RARG: variants seen among roughly 807,000 people sequenced by gnomAD.
RARG encodes retinoic acid receptor gamma.
RARG carries 17 observed loss-of-function variants against 43.7 expected under a neutral mutation model. The ratio of observed to expected loss-of-function variants is 0.39; its 90% CI spans 0.27 to 0.58. The LOEUF (loss-of-function observed/expected upper bound fraction) is 0.58, where lower values mean the gene tolerates loss of function less well. Among genes scored for constraint, RARG ranks in the 20% least tolerant of loss-of-function variants. RARG has a pLI of 0.57. For synonymous variants in RARG, 238 were observed against 236.4 expected, an observed-to-expected ratio of 1.01 and a Z score of -0.06; for missense variants, 346 against 598.7, an observed-to-expected ratio of 0.58 and a Z score of 4.40.
chr12:53,214,580 T>C lies in RARG; in HGVS notation c.502A>G (p.Lys168Glu). The change falls in exon 6 of 10, where the codon AAG (lysine) becomes GAG (glutamate). Residue 168 changes from lysine (K) to glutamate (E), a missense_variant. Lys to Glu is a moderately conservative substitution (Grantham distance 56). Around this residue, in one of 8 missense-constraint regions of RARG, gnomAD observed 67 missense variants for 79.6 expected, o/e 0.84. Transcript: ENST00000425354. ...GACCCTTCTTCCTTCACCTCTTTCTTCTTCTTGTTCCGGTCATTTCGCACA... is the reference window on the plus strand; with the variant it reads ...GACCCTTCTTCCTTCACCTCTTTCTCCTTCTTGTTCCGGTCATTTCGCACA... ...EAVRNDRNKK[K>E]KEVKEEGSPD... is the part of the protein sequence containing the mutation. 6.2e-7 allele frequency: 1 copy of C among 1,608,006 alleles called. No homozygotes were observed. The highest frequency in any genetic ancestry group is 8.5e-7 in the Non-Finnish European group (1 of 1,174,818).
In RARG at chr12:53,211,143, T is replaced by A. The variant is rs1042017098; in HGVS notation, c.*533A>T. 1.3e-5 allele frequency: 2 copies of A among 152,978 alleles called. No homozygotes were observed. Among genetic ancestry groups the A allele is most frequent in the Admixed American group, 6.5e-5 (1 of 15,284 alleles). The allele number at this position is 152,978 out of a possible 1,614,324, so 9.5% of individuals were successfully genotyped here. ...TCACCCTCTGTTCCTGCCCCAGAAATGCAGGGCCCAGCCTGCCCCCACCTT... is the reference window on the plus strand; with the variant it reads ...TCACCCTCTGTTCCTGCCCCAGAAAAGCAGGGCCCAGCCTGCCCCCACCTT... On this transcript the variant is annotated 3_prime_UTR_variant, in exon 10 of 10. Coordinates refer to ENST00000425354, the MANE Select transcript of RARG (RefSeq NM_000966.6). This position sits in a 1 kb window ranked among gnomAD's most constrained non-coding sequence, Gnocchi z 4.6.
intron 3 of RARG, among the ~76,000 whole-genome samples, chr12:53,217,289 A>G (rs1942803371): frequency 6.6e-6 from 1 of 152,128 alleles, no homozygotes; most frequent in Non-Finnish European, 1.5e-5. Context: ...GCTGGTGCTG[A>G]GAGATGTGAG....
intron 9 of RARG, among the ~76,000 whole-genome samples, chr12:53,212,254 T>C (rs996998470): frequency 2.6e-5 from 4 of 152,238 alleles, no homozygotes; most frequent in Non-Finnish European, 5.9e-5. Context: ...AACACTATGT[T>C]CCAGACATCC....
At chr12:53,228,281 T>C (rs1026466848) in intron 2 of RARG, among the ~76,000 whole-genome samples, 5 of 152,232 alleles carry the variant, frequency 3.3e-5, no homozygotes, top group African/African-American at 1.2e-4. Flanking sequence ...ACTTCAGGCA[T>C]GTCACTTAAT....
At chr12:53,217,827 C>G (rs968023907) in intron 3 of RARG, among the ~76,000 whole-genome samples, 4 of 152,130 alleles carry the variant, frequency 2.6e-5, no homozygotes, top group African/African-American at 9.7e-5. Flanking sequence ...CCAGGCTGCG[C>G]GGAGCTTCAA....
chr12:53,227,752 A>G lies in RARG; in HGVS notation c.-142-65T>C, dbSNP rs1464487785. ...CCACTCTGAGGTTCCAAGCCCTGTG[A>G]CCCTCTCTCAGTTGCAGTCTTCTCC... On this transcript the variant is annotated intron_variant, in intron 2 of 9. Transcript: ENST00000425354. This position sits in a 1 kb window ranked among gnomAD's most constrained non-coding sequence, Gnocchi z 4.3. 16 of 1,132,730 alleles carry G rather than the reference A, an allele frequency of 1.4e-5. No homozygotes were observed. The highest frequency in any genetic ancestry group is 1.6e-5 in the African/African-American group (1 of 61,532). The allele number at this position is 1,132,730 out of a possible 1,614,324, so 70.2% of individuals were successfully genotyped here.
intron 3 of RARG, among the ~76,000 whole-genome samples, chr12:53,217,417 C>T (rs912334683): frequency 9.8e-5 from 15 of 152,354 alleles, no homozygotes; most frequent in African/African-American, 3.6e-4. Flanking sequence ...CTGGCACTGA[C>T]GCCCTCCCTG....
In RARG at chr12:53,213,879, A is replaced by G. The variant is rs1942680733; in HGVS notation, c.814-179T>C. 1 of 1,060,772 alleles carries G rather than the reference A, an allele frequency of 9.4e-7. No homozygotes were observed. Among genetic ancestry groups the G allele is most frequent in the Non-Finnish European group, 1.4e-6 (1 of 724,832 alleles). 65.7% of individuals were successfully genotyped at this position (1,060,772 alleles called of 1,614,324 possible). A position where few individuals can be genotyped will look rare whatever the true frequency, so the allele number is the denominator to read the frequency against. On this transcript the variant is annotated intron_variant, in intron 7 of 9. Transcript: ENST00000425354. The surrounding 1 kb of genome is among the most constrained non-coding windows in gnomAD (Gnocchi z 4.7). Reference sequence around the variant, plus strand: ...TAGTCCCGGGAAGTCAGGAGGAGACAGGGCATCCAAAAGTCTAGGATCAGG... The same window carrying G: ...TAGTCCCGGGAAGTCAGGAGGAGACGGGGCATCCAAAAGTCTAGGATCAGG...
At chr12:53,216,950 C>CA (rs1382032673) in intron 3 of RARG, among the ~76,000 whole-genome samples, 2 of 151,830 alleles carry the variant, frequency 1.3e-5, no homozygotes, top group African/African-American at 4.8e-5. Flanking sequence ...CAAGTTAATG[C>CA]AAAAAAATTC....
At position 53,213,342 on chromosome 12, in the gene RARG, A is replaced by ACAGGCTT; in HGVS notation, c.1019-100_1019-99insAAGCCTG. On this transcript the variant is annotated intron_variant, in intron 8 of 9. Coordinates refer to ENST00000425354, the MANE Select transcript of RARG (RefSeq NM_000966.6). This position sits in a 1 kb window ranked among gnomAD's most constrained non-coding sequence, Gnocchi z 4.7. ...CCAACCGGCGTTTTGGGAAGCCTGT[A>ACAGGCTT]CAGGGTTTCAGAACTCTCTGGATGG... The ACAGGCTT allele has an allele frequency of 6.7e-7, 1 of 1,487,622 alleles. No homozygotes were observed. The allele number at this position is 1,487,622 out of a possible 1,614,324, so 92.2% of individuals were successfully genotyped here. A position where few individuals can be genotyped will look rare whatever the true frequency, so the allele number is the denominator to read the frequency against.
intron 2 of RARG, chr12:53,230,072 G>T: frequency 2.6e-6 from 2 of 780,934 alleles, no homozygotes; most frequent in Non-Finnish European, 3.1e-6. Context: ...AGAAGGGGAG[G>T]GTCTTAAACC....
chr12:53,223,406 G>T (rs1943027053), intron 3 of RARG, among the ~76,000 whole-genome samples: 1 of 151,486 alleles, frequency 6.6e-6, no homozygotes, highest in Non-Finnish European at 1.5e-5. Flanking sequence ...ATGAGAGTGG[G>T]GCCCAAAGCA....
In RARG at chr12:53,213,818, G is replaced by C; in HGVS notation, c.814-118C>G. 8.4e-7 allele frequency: 1 copy of C among 1,197,534 alleles called. No individual in the cohort carries two copies. Among genetic ancestry groups the C allele is most frequent in the Non-Finnish European group, 1.2e-6 (1 of 838,516 alleles). The allele number at this position is 1,197,534 out of a possible 1,614,324, so 74.2% of individuals were successfully genotyped here. A position where few individuals can be genotyped will look rare whatever the true frequency, so the allele number is the denominator to read the frequency against. On this transcript the variant is annotated intron_variant, in intron 7 of 9. Transcript: ENST00000425354. The surrounding 1 kb of genome is among the most constrained non-coding windows in gnomAD (Gnocchi z 4.7). ...GAGTGCAACCTGAAGCAGGCATGGA[G>C]AAGGCAGAGGTGGAGGATCTGAGGC...
Position 53,213,975 on chromosome 12 carries a change from AG to A in RARG, c.813+83del. The A allele has an allele frequency of 6.9e-7, 1 of 1,459,704 alleles. No homozygotes were observed. The highest frequency in any genetic ancestry group is 1.4e-5 in the African/African-American group (1 of 71,604). 90.4% of individuals were successfully genotyped at this position (1,459,704 alleles called of 1,614,324 possible). A position where few individuals can be genotyped will look rare whatever the true frequency, so the allele number is the denominator to read the frequency against. On this transcript the variant is annotated intron_variant, in intron 7 of 9. Coordinates refer to ENST00000425354, the MANE Select transcript of RARG (RefSeq NM_000966.6). The surrounding 1 kb of genome is among the most constrained non-coding windows in gnomAD (Gnocchi z 4.7). ...CATGTGTGGCAGGGGGTGCAGGGTA[AG>A]GAAATCTTTGCATGGATCAAGGAAT... is the stretch of plus-strand genomic sequence containing the variant.
At position 53,211,909 on chromosome 12, in the gene RARG, A is replaced by G. The variant is rs577747940; in HGVS notation, c.1178-46T>C. 1.5e-5 allele frequency: 20 copies of G among 1,347,090 alleles called. No homozygotes were observed. In the African/African-American group the frequency reaches 2.3e-4, roughly 15 times the overall value. The allele number at this position is 1,347,090 out of a possible 1,614,324, so 83.4% of individuals were successfully genotyped here. A position where few individuals can be genotyped will look rare whatever the true frequency, so the allele number is the denominator to read the frequency against. On this transcript the variant is annotated intron_variant, in intron 9 of 9. Coordinates refer to ENST00000425354, the MANE Select transcript of RARG (RefSeq NM_000966.6). The surrounding 1 kb of genome is among the most constrained non-coding windows in gnomAD (Gnocchi z 4.6). ...GAGAGGCTCAGGAGGACAGAGGCAC[A>G]TGGCCCTTAAGGCCATCTCCCTAAC...
At chr12:53,229,616 G>T (rs546502337) in intron 2 of RARG, among the ~76,000 whole-genome samples, 1 of 152,134 alleles carries the variant, frequency 6.6e-6, no homozygotes, top group African/African-American at 2.4e-5. Context: ...CCCCTCCGAA[G>T]TTCTCATCCC....
Position 53,213,061 on chromosome 12 carries a change from A to C in RARG, c.1177+24T>G. 1 of 1,593,996 alleles carries C rather than the reference A, an allele frequency of 6.3e-7. No individual in the cohort carries two copies. The highest frequency in any genetic ancestry group is 8.6e-7 in the Non-Finnish European group (1 of 1,168,072). On this transcript the variant is annotated intron_variant, in intron 9 of 9. Coordinates refer to ENST00000425354, the MANE Select transcript of RARG (RefSeq NM_000966.6). The surrounding 1 kb of genome is among the most constrained non-coding windows in gnomAD (Gnocchi z 4.7). ...GACCAACAGCCCTGGGAAGACAGAG[A>C]GGGGACACCCACTCATGACTCACCC...
In RARG at chr12:53,215,826, G is replaced by A. The variant is rs756530442; in HGVS notation, c.185-32C>T. The A allele has an allele frequency of 2.6e-6, 4 of 1,565,518 alleles. No individual in the cohort carries two copies. Among genetic ancestry groups the A allele is most frequent in the African/African-American group, 1.3e-5 (1 of 74,112 alleles). ...GGGAAGCAGTGATGTGAGGGTCAGG[G>A]GAGAAGGACCCCACAGACCTCCAGG... On this transcript the variant is annotated intron_variant, in intron 3 of 9. Coordinates refer to ENST00000425354, the MANE Select transcript of RARG (RefSeq NM_000966.6). This position sits in a 1 kb window ranked among gnomAD's most constrained non-coding sequence, Gnocchi z 6.4.
chr12:53,221,997 A>C (rs1942979324), intron 3 of RARG, among the ~76,000 whole-genome samples: 1 of 93,500 alleles, frequency 1.1e-5, no homozygotes, highest in Non-Finnish European at 2.3e-5. Context: ...AGAGTAGGCG[A>C]GGGATGGCGG....
Sources: gnomAD v4.1 joint callset for allele counts (sites outside exome capture counted in the v4.1 genomes callset) on GRCh38, gnomAD v4.1.1 for gene constraint, gnomAD v4.1.1 regional missense constraint, Gnocchi (gnomAD v3.1) non-coding constraint, MANE v1.5 for transcripts, NCBI Gene and HGNC (gene_info 2026-07-23, HGNC 2026-07-21) for gene names.